Variants in TANGO2 observed in about 807,000 individuals in gnomAD.
TANGO2 encodes the protein transport and Golgi organization protein 2 homolog.
A neutral mutation model predicts 39.1 loss-of-function variants in TANGO2; 26 were observed. The observed-to-expected ratio is 0.67, with a 90% CI of 0.49 to 0.92. The LOEUF (loss-of-function observed/expected upper bound fraction) is 0.92, where lower values mean the gene tolerates loss of function less well. TANGO2 is among the 40% of genes least tolerant of loss of function. The probability of loss-of-function intolerance (pLI) is 0.00; values close to 1 mark genes in which losing one functional copy is unlikely to be tolerated. For synonymous variants in TANGO2, 131 were observed against 144.5 expected, an observed-to-expected ratio of 0.91 and a Z score of 0.67; for missense variants, 326 against 360.1, an observed-to-expected ratio of 0.91 and a Z score of 0.77.
intron 2 of TANGO2, among the ~76,000 whole-genome samples, chr22:20,038,313 C>CTGTG (rs1258021008): frequency 6.6e-6 from 1 of 152,196 alleles, no homozygotes; most frequent in Non-Finnish European, 1.5e-5. Flanking sequence ...GCCGCCTGGT[C>CTGTG]TGTGGTGCTT....
chr22:20,029,600 G>T (rs2041454190), intron 1 of TANGO2, among the ~76,000 whole-genome samples: 1 of 152,194 alleles, frequency 6.6e-6, no homozygotes, highest in Non-Finnish European at 1.5e-5. Flanking sequence ...GCTTGGGGGT[G>T]TTGAGGGACT....
At chr22:20,045,767 T>C (rs1380971281) in intron 3 of TANGO2, among the ~76,000 whole-genome samples, 4 of 152,158 alleles carry the variant, frequency 2.6e-5, no homozygotes, top group Non-Finnish European at 5.9e-5. Flanking sequence ...CCTCCCAAAG[T>C]GCTGGGATTA....
chr22:20,053,075 C>T (rs2046689036), intron 4 of TANGO2, among the ~76,000 whole-genome samples: 1 of 152,186 alleles, frequency 6.6e-6, no homozygotes, highest in South Asian at 2.1e-4. Context: ...CATGGCACTC[C>T]TGACTGCTGT....
At chr22:20,041,140 G>A (rs138969847) in intron 2 of TANGO2, among the ~76,000 whole-genome samples, 19 of 152,334 alleles carry the variant, frequency 1.2e-4, no homozygotes, top group African/African-American at 4.3e-4. Flanking sequence ...AATGGTGGGT[G>A]CTAGCACCAT....
rs1368927816 is a variant in TANGO2 at position 20,064,869 on chromosome 22, G to A, written c.*207G>A. 4 of 631,376 alleles carry A rather than the reference G, an allele frequency of 6.3e-6. No individual in the cohort carries two copies. The African/African-American group carries it at 7.4e-5, about 12-fold the overall frequency. The allele number at this position is 631,376 out of a possible 1,614,324, so 39.1% of individuals were successfully genotyped here. ...GCCTTTATGCCAGTGAGGAGCAGCAGAGTCTGATACTAGGTCTAGGACCGG... is the reference window on the plus strand; with the variant it reads ...GCCTTTATGCCAGTGAGGAGCAGCAAAGTCTGATACTAGGTCTAGGACCGG... On this transcript the variant is annotated 3_prime_UTR_variant, in exon 9 of 9. Transcript: ENST00000327374.
intron 2 of TANGO2, among the ~76,000 whole-genome samples, chr22:20,039,624 A>G (rs1397567394): frequency 6.6e-6 from 1 of 151,896 alleles, no homozygotes; most frequent in Non-Finnish European, 1.5e-5. Flanking sequence ...GTGAGACTCC[A>G]TCTTAAAAAA....
At chr22:20,052,399 G>T (rs2046518684) in intron 3 of TANGO2, 66 bp from the exon 4 acceptor site, 5 of 1,549,276 alleles carry the variant, frequency 3.2e-6, no homozygotes, top group Admixed American at 1.9e-5. Context: ...GTCTCCCAGG[G>T]CTGGGAACCA....
At chr22:20,045,095 G>C (rs190189147) in intron 3 of TANGO2, among the ~76,000 whole-genome samples, 1 of 152,214 alleles carries the variant, frequency 6.6e-6, no homozygotes, top group African/African-American at 2.4e-5. Context: ...TGGTTCTCCA[G>C]GTGTGGTCCT....
chr22:20,039,829 C>A (rs1268515437), intron 2 of TANGO2, among the ~76,000 whole-genome samples: 1 of 150,954 alleles, frequency 6.6e-6, no homozygotes, highest in Admixed American at 6.6e-5. Flanking sequence ...AGACAGTGCA[C>A]ACACTCACCC....
intron 1 of TANGO2, 42 bp from the exon 2 acceptor site, chr22:20,036,718 T>C: frequency 6.5e-7 from 1 of 1,546,738 alleles, no homozygotes; most frequent in Admixed American, 1.7e-5. Flanking sequence ...CAGCCCTGAG[T>C]GTCTGCCATC....
rs542453227 is a variant in TANGO2 at position 20,057,599 on chromosome 22, G to A, written c.451+1586G>A. Among the ~76,000 whole-genome samples the A allele has an allele frequency of 3.8e-4, 58 of 152,358 alleles. No homozygotes were observed. Among genetic ancestry groups the A allele is most frequent in the African/African-American group, 1.4e-3 (57 of 41,584 alleles). On this transcript the variant is annotated intron_variant, in intron 6 of 8. Coordinates refer to ENST00000327374, the MANE Select transcript of TANGO2 (RefSeq NM_152906.7). The surrounding 1 kb of genome is among the most constrained non-coding windows in gnomAD (Gnocchi z 4.1). Reference sequence around the variant, plus strand: ...GCACAGACACAGAGACTACCAGCGAGGCAGGGATGTGGCCCCAGAAGGTCC... The same window carrying A: ...GCACAGACACAGAGACTACCAGCGAAGCAGGGATGTGGCCCCAGAAGGTCC...
At chr22:20,030,392 G>C (rs2041628961) in intron 1 of TANGO2, among the ~76,000 whole-genome samples, 1 of 152,000 alleles carries the variant, frequency 6.6e-6, no homozygotes, top group African/African-American at 2.4e-5. Flanking sequence ...TGTTGCCCAG[G>C]CTGGAGGACA....
chr22:20,056,411 C>A (rs748613947), intron 6 of TANGO2: 6 of 472,520 alleles, frequency 1.3e-5, no homozygotes, highest in Non-Finnish European at 2.1e-5. Context: ...AGTACACACC[C>A]CACTCAAGCC....
At position 20,043,392 on chromosome 22, in the gene TANGO2, C is replaced by T. The variant is rs199801224; in HGVS notation, c.94C>T (p.Arg32Ter). The stretch of plus-strand genomic sequence containing the variant: ...AGCCAACAGGGATGAATTCTACAGC[C>T]GACCCTCCAAGTTAGCTGACTTCTG... ...LAANRDEFYS[R>*]PSKLADFWGN... Residue 32 changes from arginine to a stop codon, truncating the protein, a stop_gained, in exon 3 of 9, where the codon CGA becomes TGA. Transcript: ENST00000327374. LOFTEE classifies it high-confidence loss of function. The T allele has an allele frequency of 1.5e-5, 25 of 1,613,662 alleles. No homozygotes were observed. In the African/African-American group the frequency reaches 1.6e-4, roughly 10 times the overall value.
At chr22:20,023,955 G>A (rs187592002) in intron 1 of TANGO2, among the ~76,000 whole-genome samples, 1 of 152,288 alleles carries the variant, frequency 6.6e-6, no homozygotes, top group East Asian at 1.9e-4. Flanking sequence ...GCCGAGACAG[G>A]TGGATCACCT....
At chr22:20,017,504 C>T (rs1301638856), upstream of TANGO2, among the ~76,000 whole-genome samples, 1 of 152,172 alleles carries the variant, frequency 6.6e-6, no homozygotes, top group Non-Finnish European at 1.5e-5. Context: ...CCCACCAGGC[C>T]TGGATGTAGA....
chr22:20,023,650 C>T (rs1214686845), intron 1 of TANGO2, among the ~76,000 whole-genome samples: 1 of 150,194 alleles, frequency 6.7e-6, no homozygotes, highest in East Asian at 2.0e-4. Flanking sequence ...GCCAGGAGAT[C>T]GAGACCATCC....
At chr22:20,023,637 G>A (rs896713758) in intron 1 of TANGO2, among the ~76,000 whole-genome samples, 13 of 143,532 alleles carry the variant, frequency 9.1e-5, no homozygotes, top group African/African-American at 2.9e-4. Flanking sequence ...GGTGGATCAC[G>A]AGGCCAGGAG....
chr22:20,059,842 T>C (rs2048036375), intron 6 of TANGO2, among the ~76,000 whole-genome samples: 1 of 152,242 alleles, frequency 6.6e-6, no homozygotes, highest in Non-Finnish European at 1.5e-5. Context: ...GCTTTTGGTT[T>C]CTTATCTAAG....
Sources: gnomAD v4.1 joint callset for allele counts (sites outside exome capture counted in the v4.1 genomes callset) on GRCh38, gnomAD v4.1.1 for gene constraint, Gnocchi (gnomAD v3.1) non-coding constraint, MANE v1.5 for transcripts, NCBI Gene and HGNC (gene_info 2026-07-23, HGNC 2026-07-21) for gene names.